Variants in TTL observed in about 807,000 individuals in gnomAD.
TTL encodes tubulin tyrosine ligase.
TTL carries 10 observed loss-of-function variants against 41.1 expected under a neutral mutation model. The observed-to-expected ratio is 0.24, with a 90% CI of 0.15 to 0.41. TTL has a LOEUF of 0.41. Ranked by LOEUF, TTL falls within the 10% of genes least tolerant of loss-of-function variation. TTL has a pLI of 1.00. For missense variants in TTL, 367 were observed against 460.4 expected (o/e 0.80, Z 1.86); for synonymous variants, 175 against 175.5 (o/e 1.00, Z 0.02).
chr2:112,495,716 G>A (rs576434472), intron 3 of TTL, among the ~76,000 whole-genome samples: 41 of 152,198 alleles, frequency 2.7e-4, no homozygotes, highest in Non-Finnish European at 6.0e-4. Flanking sequence ...GTGTGGTGGC[G>A]GGTGCCTGTA....
rs1419617942 is a variant in TTL, at chr2:112,482,515, C to A, written c.157+14C>A. 10 of 1,587,644 alleles carry A rather than the reference C, an allele frequency of 6.3e-6. No homozygotes were observed. The South Asian group carries it at 1.0e-4, about 16-fold the overall frequency. ...TCGGGAGACTGGGTGAGCCCCTCCC[C>A]GATTCCCGTCTGCCCTCCTCGGAGC... On this transcript the variant is annotated intron_variant, in intron 1 of 6. Transcript: ENST00000233336. This position sits in a 1 kb window ranked among gnomAD's most constrained non-coding sequence, Gnocchi z 5.3.
At chr2:112,484,381 A>C (rs1681182258) in intron 1 of TTL, among the ~76,000 whole-genome samples, 1 of 151,780 alleles carries the variant, frequency 6.6e-6, no homozygotes, top group Admixed American at 6.6e-5. Flanking sequence ...CTCCTGCCTC[A>C]GCCTCCCAAG....
chr2:112,517,490 C>A (rs2104470639), intron 5 of TTL, among the ~76,000 whole-genome samples: 1 of 151,978 alleles, frequency 6.6e-6, no homozygotes, highest in African/African-American at 2.4e-5. Flanking sequence ...CTCAAGTGAT[C>A]TGCCTCCCTC....
Position 112,523,304 on chromosome 2 carries a change from A to G in TTL, c.1019+2879A>G, listed in dbSNP as rs560753732. On this transcript the variant is annotated intron_variant, in intron 6 of 6. Transcript: ENST00000233336. ...AGTTTCCTTCATTGCACTAACTGCC[A>G]TCAGATTAACTCATCAGAAGAAACT... Among the ~76,000 whole-genome samples, 4 of 152,152 alleles carry G rather than the reference A, an allele frequency of 2.6e-5. No homozygotes were observed. The South Asian group carries it at 6.2e-4, about 24-fold the overall frequency.
At chr2:112,492,721 C>G (rs1681421640) in intron 2 of TTL, among the ~76,000 whole-genome samples, 1 of 150,496 alleles carries the variant, frequency 6.6e-6, no homozygotes, top group Non-Finnish European at 1.5e-5. Flanking sequence ...CAGAGCGAGA[C>G]TCCATCTCCA....
In TTL at chr2:112,502,021, TCTC is replaced by T. The variant is rs548758676; in HGVS notation, c.605+684_605+686del. On this transcript the variant is annotated intron_variant, in intron 4 of 6. Transcript: ENST00000233336. ...GGTTGTGCAACCTTGCCAAATAATT[TCTC>T]CTCACTTCATTGTTTGTGTCCCACT... 5.2e-4 allele frequency among the ~76,000 whole-genome samples: 79 copies of T among 152,286 alleles called. 2 individuals carry two copies. The South Asian group carries it at 0.011, about 21-fold the overall frequency.
intron 2 of TTL, among the ~76,000 whole-genome samples, chr2:112,493,355 T>TAA (rs75154140): frequency 2.2e-4 from 32 of 143,152 alleles, no homozygotes; most frequent in South Asian, 1.5e-3. Context: ...CTTGAGCTGT[T>TAA]AAAAAAAAAA....
At chr2:112,503,962 C>T (rs771894630) in intron 5 of TTL, among the ~76,000 whole-genome samples, 4 of 72,528 alleles carry the variant, frequency 5.5e-5, no homozygotes, top group East Asian at 8.8e-4. Flanking sequence ...ATCCCTCCCC[C>T]CTCCCCCGAC....
chr2:112,520,596 T>C, intron 6 of TTL, 171 bp downstream of exon 6: 1 of 864,892 alleles, frequency 1.2e-6, no homozygotes, highest in Non-Finnish European at 1.7e-6. Context: ...TCACTTCCTT[T>C]CCTATTTCCC....
intron 2 of TTL, 137 bp downstream of exon 2, chr2:112,486,132 C>T (rs996959364): frequency 3.5e-5 from 29 of 834,978 alleles, no homozygotes; most frequent in Non-Finnish European, 5.2e-5. Flanking sequence ...CTCTAAGCCG[C>T]TTTGGTTGCG....
At chr2:112,511,343 T>C (rs1559016576) in intron 5 of TTL, among the ~76,000 whole-genome samples, 1 of 151,702 alleles carries the variant, frequency 6.6e-6, no homozygotes, top group Non-Finnish European at 1.5e-5. Flanking sequence ...CTCTTGATCT[T>C]AGCCAAAAGG....
rs530229840 is a variant in TTL at position 112,513,582 on chromosome 2, T to C, written c.876-6700T>C. 8.0e-5 allele frequency among the ~76,000 whole-genome samples: 12 copies of C among 149,676 alleles called. 1 individual carries two copies. Among genetic ancestry groups the C allele is most frequent in the African/African-American group, 2.5e-4 (10 of 40,382 alleles). ...TTATACAAATATACATATAAATATT[T>C]ATACAAGTATAAATATTTATACAAG... is the stretch of plus-strand genomic sequence containing the variant. On this transcript the variant is annotated intron_variant, in intron 5 of 6. Coordinates refer to ENST00000233336, the MANE Select transcript of TTL (RefSeq NM_153712.5).
chr2:112,519,011 T>C (rs911331261), intron 5 of TTL, among the ~76,000 whole-genome samples: 1 of 152,092 alleles, frequency 6.6e-6, no homozygotes, highest in Non-Finnish European at 1.5e-5. Context: ...TACACAGCTG[T>C]GTAGAAGGAC....
At chr2:112,509,396 C>T (rs969295511) in intron 5 of TTL, among the ~76,000 whole-genome samples, 10 of 152,176 alleles carry the variant, frequency 6.6e-5, no homozygotes, top group Non-Finnish European at 1.2e-4. Context: ...GGGCAATGGC[C>T]GGCGCCCCTC....
rs368206850 is a variant in TTL at position 112,539,299 on chromosome 2, T to C, written c.*10504T>C. ...TATACCTTTGTAACAAATTCGCACA[T>C]GTACCCCCCTGATTCTAAAATAAAC... On this transcript the variant is annotated 3_prime_UTR_variant, in exon 7 of 7. Coordinates refer to ENST00000233336, the MANE Select transcript of TTL (RefSeq NM_153712.5). 2.6e-5 allele frequency: 4 copies of C among 152,050 alleles called. No individual in the cohort carries two copies. The East Asian group carries it at 5.8e-4, about 22-fold the overall frequency. 9.4% of individuals were successfully genotyped at this position (152,050 alleles called of 1,614,324 possible).
At chr2:112,502,163 C>T (rs986699662) in intron 4 of TTL, among the ~76,000 whole-genome samples, 8 of 152,200 alleles carry the variant, frequency 5.3e-5, no homozygotes, top group African/African-American at 1.7e-4. Context: ...CCCTCTCCAA[C>T]TTACCCTTGG....
In TTL at chr2:112,503,066, G is replaced by A. The variant is rs1681744700; in HGVS notation, c.760G>A (p.Gly254Arg). 2 of 1,613,840 alleles carry A rather than the reference G, an allele frequency of 1.2e-6. No individual in the cohort carries two copies. The highest frequency in any genetic ancestry group is 1.7e-6 in the Non-Finnish European group (2 of 1,179,980). Reference protein sequence around the residue: ...CIQKEYSKNYGKYEEGNEMFF... With the variant: ...CIQKEYSKNYRKYEEGNEMFF... ...TCAAAAAGAGTATTCAAAGAACTAC[G>A]GGAAGTATGAAGAAGGAAATGAAAT... is the stretch of plus-strand genomic sequence containing the variant. The change falls in exon 5 of 7, where the codon GGG becomes AGG. Residue 254 changes from glycine (G) to arginine (R), a missense_variant. By Grantham distance (125) the Gly-to-Arg change is moderately radical (BLOSUM62 -2). Transcript: ENST00000233336.
chr2:112,501,143 T>A (rs1207678566), intron 3 of TTL, 63 bp from the exon 4 acceptor site: 3 of 1,521,308 alleles, frequency 2.0e-6, no homozygotes, highest in Non-Finnish European at 8.8e-7. Context: ...ATTTCCTTTC[T>A]GGATTTATAG....
chr2:112,529,613 C>CTT lies in TTL; in HGVS notation c.*826_*827dup. ...TCTAAATGCAGTTTTGCCTAGTTCC[C>CTT]TTTTTTTTTCTTTTTTTACTTTTTT... On this transcript the variant is annotated 3_prime_UTR_variant, in exon 7 of 7. Coordinates refer to ENST00000233336, the MANE Select transcript of TTL (RefSeq NM_153712.5). 1 of 224,458 alleles carries CTT rather than the reference C, an allele frequency of 4.5e-6. No individual in the cohort carries two copies. The highest frequency in any genetic ancestry group is 8.8e-6 in the Non-Finnish European group (1 of 113,018). The allele number at this position is 224,458 out of a possible 1,614,324, so 13.9% of individuals were successfully genotyped here.
Sources: gnomAD v4.1 joint callset for allele counts (sites outside exome capture counted in the v4.1 genomes callset) on GRCh38, gnomAD v4.1.1 for gene constraint, Gnocchi (gnomAD v3.1) non-coding constraint, MANE v1.5 for transcripts, NCBI Gene and HGNC (gene_info 2026-07-23, HGNC 2026-07-21) for gene names.